Variants in DCDC2C observed in about 807,000 individuals in gnomAD.
DCDC2C encodes the protein doublecortin domain-containing protein 2C.
Under a neutral mutation model 45.0 loss-of-function variants are expected in DCDC2C, and 44 were observed. The observed-to-expected ratio is 0.98, with a 90% CI of 0.77 to 1.26. DCDC2C has a LOEUF of 1.26. Ranked by LOEUF, DCDC2C falls within the 50% of genes most tolerant of loss-of-function variation. The pLI, the probability that DCDC2C is intolerant of heterozygous loss-of-function variation, is 0.00. For missense variants in DCDC2C, 447 were observed against 468.9 expected (o/e 0.95, Z 0.43); for synonymous variants, 187 against 178.8 (o/e 1.05, Z -0.37).
intron 10 of DCDC2C, among the ~76,000 whole-genome samples, chr2:3,827,625 A>G (rs1316392328): frequency 1.3e-5 from 2 of 152,158 alleles, no homozygotes; most frequent in African/African-American, 2.4e-5. Context: ...TTTCCATTGA[A>G]TCCTGGGGAA....
intron 2 of DCDC2C, among the ~76,000 whole-genome samples, chr2:3,717,427 C>G (rs1340280593): frequency 6.6e-6 from 1 of 152,148 alleles, no homozygotes; most frequent in African/African-American, 2.4e-5. Flanking sequence ...TTTCTCAACC[C>G]TTCACTCTCC....
At chr2:3,747,709 T>C (rs879581830) in intron 4 of DCDC2C, among the ~76,000 whole-genome samples, 2 of 152,242 alleles carry the variant, frequency 1.3e-5, no homozygotes, top group Admixed American at 6.5e-5. Context: ...CTTTATTTGT[T>C]GATCAATTCA....
chr2:3,838,566 T>C (rs1202164834), intron 10 of DCDC2C, among the ~76,000 whole-genome samples: 1 of 151,034 alleles, frequency 6.6e-6, no homozygotes, highest in African/African-American at 2.4e-5. Context: ...GAAAGGGGGA[T>C]GGATGGTACA....
chr2:3,727,672 G>A (rs1274706701), intron 3 of DCDC2C, among the ~76,000 whole-genome samples: 1 of 152,250 alleles, frequency 6.6e-6, no homozygotes, highest in Non-Finnish European at 1.5e-5. Context: ...TGAGCACTGT[G>A]TGCATCCACC....
Position 3,703,605 on chromosome 2 carries a change from C to T in DCDC2C, c.-147C>T, listed in dbSNP as rs1028308135. On this transcript the variant is annotated 5_prime_UTR_variant, in exon 1 of 11. Coordinates refer to ENST00000399143, the MANE Select transcript of DCDC2C (RefSeq NM_001287444.2). The surrounding 1 kb of genome is among the most constrained non-coding windows in gnomAD (Gnocchi z 4.4). Reference sequence around the variant, plus strand: ...CGTCCCGTCCCCGTCCAGCCCCCGTCCCGTCCCCGTCCCGTCCCCGTCCTG... The same window carrying T: ...CGTCCCGTCCCCGTCCAGCCCCCGTTCCGTCCCCGTCCCGTCCCCGTCCTG... 7 of 766,858 alleles carry T rather than the reference C, an allele frequency of 9.1e-6. No individual in the cohort carries two copies. The highest frequency in any genetic ancestry group is 1.2e-5 in the Non-Finnish European group (7 of 578,088). The allele number at this position is 766,858 out of a possible 1,614,324, so 47.5% of individuals were successfully genotyped here. A position where few individuals can be genotyped will look rare whatever the true frequency, so the allele number is the denominator to read the frequency against.
chr2:3,706,105 TTA>T (rs1668058829), intron 1 of DCDC2C, among the ~76,000 whole-genome samples: 1 of 152,236 alleles, frequency 6.6e-6, no homozygotes, highest in Non-Finnish European at 1.5e-5. Flanking sequence ...TTCACTGGTA[TTA>T]GTAAAGTAAA....
chr2:3,769,995 T>C (rs1458090546), intron 8 of DCDC2C, among the ~76,000 whole-genome samples: 3 of 151,520 alleles, frequency 2.0e-5, no homozygotes, highest in African/African-American at 7.3e-5. Flanking sequence ...CAGGGAGGAG[T>C]GGGGAGCAGG....
intron 5 of DCDC2C, among the ~76,000 whole-genome samples, chr2:3,753,504 C>T (rs1354293350): frequency 2.0e-5 from 3 of 152,146 alleles, no homozygotes; most frequent in East Asian, 1.9e-4. Context: ...AAATGCATTT[C>T]GTGTAGGACA....
intron 3 of DCDC2C, among the ~76,000 whole-genome samples, chr2:3,736,780 A>G (rs11890362): frequency 0.063 from 9,619 of 152,272 alleles, 998 homozygotes; most frequent in African/African-American, 0.22. Flanking sequence ...AGAAAGTTTA[A>G]GATTAGAGTG....
chr2:3,784,727 G>C (rs185731202), intron 9 of DCDC2C, among the ~76,000 whole-genome samples: 60 of 152,118 alleles, frequency 3.9e-4, no homozygotes, highest in Non-Finnish European at 7.6e-4. Flanking sequence ...AGAAGGATGG[G>C]AGCTCCAAGA....
At chr2:3,840,116 T>C (rs2148245124) in intron 10 of DCDC2C, among the ~76,000 whole-genome samples, 1 of 152,358 alleles carries the variant, frequency 6.6e-6, no homozygotes, top group African/African-American at 2.4e-5. Flanking sequence ...TTGCGAGTGT[T>C]GATGTAAGTG....
At chr2:3,767,293 G>A (rs746646307) in intron 6 of DCDC2C, among the ~76,000 whole-genome samples, 6 of 152,154 alleles carry the variant, frequency 3.9e-5, no homozygotes, top group Admixed American at 6.5e-5. Context: ...AAAGTAAACC[G>A]CCACATGGCT....
intron 10 of DCDC2C, among the ~76,000 whole-genome samples, chr2:3,811,679 C>T (rs187313402): frequency 3.3e-5 from 5 of 152,256 alleles, no homozygotes; most frequent in Non-Finnish European, 7.3e-5. Flanking sequence ...GAAATGCTTC[C>T]AGCTTTTGCC....
intron 10 of DCDC2C, among the ~76,000 whole-genome samples, chr2:3,797,055 T>C (rs1209409613): frequency 6.6e-6 from 1 of 152,216 alleles, no homozygotes; most frequent in Non-Finnish European, 1.5e-5. Context: ...GCTTCTGTTA[T>C]TGGTCTATTC....
chr2:3,717,087 T>C (rs1239747968), intron 2 of DCDC2C, among the ~76,000 whole-genome samples: 1 of 152,188 alleles, frequency 6.6e-6, no homozygotes, highest in Admixed American at 6.5e-5. Context: ...CTTTTATTTG[T>C]GGGACTGTTG....
intron 8 of DCDC2C, among the ~76,000 whole-genome samples, chr2:3,772,346 T>A (rs1383807216): frequency 6.6e-6 from 1 of 152,244 alleles, no homozygotes; most frequent in Non-Finnish European, 1.5e-5. Context: ...AAATGAAGGA[T>A]GTGGCCCGTC....
intron 6 of DCDC2C, among the ~76,000 whole-genome samples, chr2:3,758,105 TAGAC>T (rs1343517235): frequency 6.6e-6 from 1 of 152,168 alleles, no homozygotes; most frequent in African/African-American, 2.4e-5. Context: ...GGGAGCAAAA[TAGAC>T]AGAGAAGGGC....
rs780525886 is a variant in DCDC2C at position 3,830,448 on chromosome 2, G to A, written c.1066-16706G>A. Among the ~76,000 whole-genome samples the A allele has an allele frequency of 2.6e-5, 4 of 152,154 alleles. No homozygotes were observed. The East Asian group carries it at 7.7e-4, about 29-fold the overall frequency. On this transcript the variant is annotated intron_variant, in intron 10 of 10. Transcript: ENST00000399143. ...TGCCAGTAGCCCTGGACCTGCTGTC[G>A]AGGGGCTGTATCCACTCAGGCCCAT...
At position 3,703,922 on chromosome 2, in the gene DCDC2C, G is replaced by T; in HGVS notation, c.171G>T (p.Pro57=). Residue 57 remains proline (P), a synonymous_variant, in exon 1 of 11, where the codon CCG becomes CCT. Coordinates refer to ENST00000399143, the MANE Select transcript of DCDC2C (RefSeq NM_001287444.2). This position sits in a 1 kb window ranked among gnomAD's most constrained non-coding sequence, Gnocchi z 4.4. ...AGCTCACGGAGCAGGTGGACGTCCC[G>T]TTCGGCGTGCGCCGCCTCTTCACGC... The part of the protein sequence containing the change: ...LEQLTEQVDV[P]FGVRRLFTPT... The T allele has an allele frequency of 7.5e-7, 1 of 1,338,412 alleles. No individual in the cohort carries two copies. The allele number at this position is 1,338,412 out of a possible 1,614,324, so 82.9% of individuals were successfully genotyped here. A position where few individuals can be genotyped will look rare whatever the true frequency, so the allele number is the denominator to read the frequency against.
Sources: gnomAD v4.1 joint callset for allele counts (sites outside exome capture counted in the v4.1 genomes callset) on GRCh38, gnomAD v4.1.1 for gene constraint, Gnocchi (gnomAD v3.1) non-coding constraint, MANE v1.5 for transcripts, NCBI Gene and HGNC (gene_info 2026-07-23, HGNC 2026-07-21) for gene names.